The following DNAH17 variants were observed in gnomAD, a reference collection of about 807,000 sequenced individuals.
The protein encoded by DNAH17 is dynein axonemal heavy chain 17, also known as axonemal beta dynein heavy chain 17.
In DNAH17, 376 loss-of-function variants were observed where a neutral mutation model predicts 485.6. That is an observed-to-expected ratio of 0.77 (90% CI 0.71 to 0.84). The LOEUF is 0.84. Ranked by LOEUF, DNAH17 falls within the 40% of genes least tolerant of loss-of-function variation. DNAH17 has a pLI of 0.00. For missense variants in DNAH17, 6,370 were observed against 5,839.3 expected, an observed-to-expected ratio of 1.09 and a Z score of -2.96; for synonymous variants, 3,031 against 2,405.9, an observed-to-expected ratio of 1.26 and a Z score of -7.60.
At chr17:78,530,202 G>A in intron 21 of DNAH17, 141 bp downstream of exon 21, 2 of 946,410 alleles carry the variant, frequency 2.1e-6, no homozygotes, top group Non-Finnish European at 3.1e-6. Context: ...GCTTGGTGGG[G>A]TAGTTGGCCT....
rs755227528 is a variant in DNAH17, at chr17:78,451,685, T to A, written c.10530-12A>T. The A allele has an allele frequency of 3.2e-5, 50 of 1,550,030 alleles. No individual in the cohort carries two copies. In the East Asian group the frequency reaches 7.9e-4, roughly 24 times the overall value. On this transcript the variant is annotated splice_polypyrimidine_tract_variant and intron_variant, in intron 65 of 80. Coordinates refer to ENST00000389840, the MANE Select transcript of DNAH17 (RefSeq NM_173628.4). ...CGATCTTAATGTACCTGGCGGTTGG[T>A]GGAGGAAAGGGTTAGTGGGCCTCCC... is the stretch of plus-strand genomic sequence containing the variant.
intron 48 of DNAH17, among the ~76,000 whole-genome samples, chr17:78,484,403 G>C (rs1208577506): frequency 6.6e-6 from 1 of 152,102 alleles, no homozygotes; most frequent in African/African-American, 2.4e-5. Flanking sequence ...ACTGCTGCCA[G>C]CTTCCAGCTG....
chr17:78,525,210 G>C, intron 24 of DNAH17, 49 bp from the exon 25 acceptor site: 1 of 1,586,060 alleles, frequency 6.3e-7, no homozygotes, highest in Non-Finnish European at 8.6e-7. Flanking sequence ...CCTCAGCGGT[G>C]CCCCACCCCA....
chr17:78,550,217 A>C (rs1181255545), intron 16 of DNAH17, among the ~76,000 whole-genome samples: 1 of 152,250 alleles, frequency 6.6e-6, no homozygotes, highest in Non-Finnish European at 1.5e-5. Context: ...AGCGGACATT[A>C]ACACAAGGAG....
intron 44 of DNAH17, among the ~76,000 whole-genome samples, 158 bp downstream of exon 44, chr17:78,490,541 G>GTCTC (rs1555672807): frequency 1.3e-5 from 1 of 78,976 alleles, no homozygotes; most frequent in Non-Finnish European, 2.6e-5. Flanking sequence ...TTATTCCCAG[G>GTCTC]TCTCTCACCC....
chr17:78,485,423 G>T (rs1159332265), intron 47 of DNAH17, 127 bp downstream of exon 47: 15 of 903,648 alleles, frequency 1.7e-5, no homozygotes, highest in Non-Finnish European at 1.3e-5. Context: ...CCAGCGGGTG[G>T]GGCATGGGAA....
intron 79 of DNAH17, among the ~76,000 whole-genome samples, 185 bp from the exon 80 acceptor site, chr17:78,425,756 CTTTTTTTTTT>C (rs71160294): frequency 2.0e-3 from 242 of 120,734 alleles, no homozygotes; most frequent in Non-Finnish European, 3.2e-3. Flanking sequence ...TTGGTGTCTG[CTTTTTTTTTT>C]TTTTTTTTTT....
Position 78,529,597 on chromosome 17 carries a change from G to A in DNAH17, c.3382C>T (p.His1128Tyr), listed in dbSNP as rs1282940662. The A allele has an allele frequency of 6.2e-6, 10 of 1,613,910 alleles. No homozygotes were observed. The East Asian group carries it at 6.7e-5, about 11-fold the overall frequency. ...TGCCTCTCCTTGACTTTCATCAGGT[G>A]CCCCATCACCTCCACAAGCCCATCA... ...DYDGLVEVMG[H>Y]LMKVKERQAA... is the part of the protein sequence containing the mutation. The change falls in exon 22 of 81, where the codon CAC becomes TAC. Residue 1128 changes from histidine (H) to tyrosine (Y), a missense_variant. Transcript: ENST00000389840.
intron 68 of DNAH17, 24 bp downstream of exon 68, chr17:78,450,230 C>A (rs1181286950): frequency 6.2e-7 from 1 of 1,612,638 alleles, no homozygotes; most frequent in Admixed American, 1.7e-5. Context: ...GAGGGAGGCA[C>A]CCAGCCCCAG....
rs8073667 is a variant in DNAH17, at chr17:78,572,634, G to C, written c.539+67C>G. 7 of 1,362,092 alleles carry C rather than the reference G, an allele frequency of 5.1e-6. No homozygotes were observed. In the East Asian group the frequency reaches 1.0e-4, roughly 20 times the overall value. The allele number at this position is 1,362,092 out of a possible 1,614,324, so 84.4% of individuals were successfully genotyped here. Reference sequence around the variant, plus strand: ...GTCGGAGTGGGGTGGAGTGGGGTGGGGGGTGGGGGTCAAGCATGTGCCTCT... The same window carrying C: ...GTCGGAGTGGGGTGGAGTGGGGTGGCGGGTGGGGGTCAAGCATGTGCCTCT... On this transcript the variant is annotated intron_variant, in intron 3 of 80. Transcript: ENST00000389840.
Position 78,423,720 on chromosome 17 carries a change from C to T in DNAH17, c.*186G>A, listed in dbSNP as rs370782545. The T allele has an allele frequency of 4.2e-6, 3 of 712,310 alleles. No individual in the cohort carries two copies. The African/African-American group carries it at 5.3e-5, about 13-fold the overall frequency. 44.1% of individuals were successfully genotyped at this position (712,310 alleles called of 1,614,324 possible). ...GCTGAGTGGCTCCACTGGCTTTAAT[C>T]TGCCCCACCTCTTCCACACCAACCT... On this transcript the variant is annotated 3_prime_UTR_variant, in exon 81 of 81. Transcript: ENST00000389840.
At chr17:78,432,510 C>T (rs1013634234) in intron 75 of DNAH17, among the ~76,000 whole-genome samples, 3 of 152,226 alleles carry the variant, frequency 2.0e-5, no homozygotes, top group African/African-American at 7.2e-5. Flanking sequence ...GGCTGGTGTG[C>T]CTCCCAGGGA....
chr17:78,537,917 T>C (rs2091420354), intron 18 of DNAH17, among the ~76,000 whole-genome samples: 1 of 152,126 alleles, frequency 6.6e-6, no homozygotes, highest in South Asian at 2.1e-4. Context: ...GGCGGGTGGA[T>C]CACCTGAGGT....
intron 32 of DNAH17, 35 bp downstream of exon 32, chr17:78,502,851 C>T: frequency 1.2e-6 from 2 of 1,605,964 alleles, no homozygotes; most frequent in Non-Finnish European, 1.7e-6. Context: ...TTATCTCAGC[C>T]ACGAGGCGCC....
At chr17:78,532,067 C>A (rs887476620) in intron 20 of DNAH17, among the ~76,000 whole-genome samples, 2 of 152,236 alleles carry the variant, frequency 1.3e-5, no homozygotes, top group Non-Finnish European at 2.9e-5. Context: ...TGGGCTGCTA[C>A]CCACTAGCCC....
chr17:78,574,670 C>T lies in DNAH17; in HGVS notation c.345+43G>A, dbSNP rs767240303. 22 of 1,528,356 alleles carry T rather than the reference C, an allele frequency of 1.4e-5. 1 individual carries two copies. The highest frequency in any genetic ancestry group is 5.6e-5 in the Admixed American group (3 of 53,748). The allele number at this position is 1,528,356 out of a possible 1,614,324, so 94.7% of individuals were successfully genotyped here. A position where few individuals can be genotyped will look rare whatever the true frequency, so the allele number is the denominator to read the frequency against. On this transcript the variant is annotated intron_variant, in intron 2 of 80. Coordinates refer to ENST00000389840, the MANE Select transcript of DNAH17 (RefSeq NM_173628.4). ...GGACTCAAGGCCGCTCCCGAGAAGT[C>T]GGTCGTGCTCGACACCCCGGATGGC...
At chr17:78,438,003 C>T (rs930931270) in intron 73 of DNAH17, 135 bp from the exon 74 acceptor site, 14 of 643,636 alleles carry the variant, frequency 2.2e-5, no homozygotes, top group African/African-American at 1.6e-4. Context: ...GGTGCTGGCA[C>T]TGCCCCACCC....
In DNAH17 at chr17:78,501,863, A is replaced by T. The variant is rs762204587; in HGVS notation, c.5201T>A (p.Leu1734Gln). Reference protein sequence around the residue: ...RDYNKKQISQLNVLITLLMGN... With the variant: ...RDYNKKQISQQNVLITLLMGN... ...CATGAGCAGCGTGATGAGTACGTTC[A>T]GCTGGCTAATCTGCGGGGGAGAGTG... Residue 1734 changes from leucine (L) to glutamine (Q), a missense_variant, in exon 34 of 81, where the codon CTG becomes CAG. Coordinates refer to ENST00000389840, the MANE Select transcript of DNAH17 (RefSeq NM_173628.4). 1 of 1,614,048 alleles carries T rather than the reference A, an allele frequency of 6.2e-7. No homozygotes were observed. The highest frequency in any genetic ancestry group is 2.2e-5 in the East Asian group (1 of 44,884).
intron 15 of DNAH17, 61 bp from the exon 16 acceptor site, chr17:78,551,699 C>T: frequency 1.3e-6 from 2 of 1,547,052 alleles, no homozygotes; most frequent in Admixed American, 3.4e-5. Context: ...CGCGGTGGCT[C>T]AAGCTTGTAA....
Sources: allele counts gnomAD v4.1 joint callset (sites outside exome capture counted in the v4.1 genomes callset), GRCh38; gene constraint gnomAD v4.1.1; transcripts MANE v1.5; gene names NCBI Gene and HGNC (gene_info 2026-07-23, HGNC 2026-07-21).